Variants in MFAP3L observed in about 807,000 individuals in gnomAD.
MFAP3L encodes the protein microfibril associated protein 3 like.
MFAP3L carries 5 observed loss-of-function variants against 20.0 expected under a neutral mutation model. The observed-to-expected ratio is 0.25, with a 90% CI of 0.13 to 0.53. MFAP3L has a LOEUF of 0.53. MFAP3L is among the 20% of genes least tolerant of loss of function. The pLI is 0.96. For synonymous variants in MFAP3L, 219 were observed against 213.0 expected, an observed-to-expected ratio of 1.03 and a Z score of -0.25; for missense variants, 409 against 527.5, an observed-to-expected ratio of 0.78 and a Z score of 2.20.
At position 169,991,626 on chromosome 4, in the gene MFAP3L, C is replaced by T; in HGVS notation, c.982G>A (p.Glu328Lys). ...KVSVHPQSKK[E>K]HADDQEGGQF... ...CCACCCTCTTGGTCATCTGCATGCT[C>T]TTTTTTGGACTGCGGGTGAACTGAC... Residue 328 changes from glutamate to lysine, a missense_variant, in exon 3 of 3, where the codon GAG (glutamate) becomes AAG (lysine). Glu to Lys is a moderately conservative substitution (Grantham distance 56, BLOSUM62 1). Around this residue, in one of 3 missense-constraint regions of MFAP3L, gnomAD observed 169 missense variants for 178.2 expected, o/e 0.95. Coordinates refer to ENST00000361618, the MANE Select transcript of MFAP3L (RefSeq NM_021647.8). This position sits in a 1 kb window ranked among gnomAD's most constrained non-coding sequence, Gnocchi z 4.9. The T allele has an allele frequency of 6.2e-7, 1 of 1,614,114 alleles. No homozygotes were observed. Among genetic ancestry groups the T allele is most frequent in the Non-Finnish European group, 8.5e-7 (1 of 1,180,000 alleles).
In MFAP3L at chr4:169,992,111, A is replaced by G; in HGVS notation, c.497T>C (p.Val166Ala). The change falls in exon 3 of 3, where the codon GTC becomes GCC. Residue 166 changes from valine to alanine, a missense_variant. By Grantham distance (64) the Val-to-Ala change is moderately conservative (BLOSUM62 0). Around this residue, in one of 3 missense-constraint regions of MFAP3L, gnomAD observed 127 missense variants for 218.1 expected, o/e 0.58. Transcript: ENST00000361618. This position sits in a 1 kb window ranked among gnomAD's most constrained non-coding sequence, Gnocchi z 4.3. ...CATGCACAGGCGGGTGATATTGAGG[A>G]CCATGACGATGGTGAAGGCCACCAG... is the stretch of plus-strand genomic sequence containing the variant. Reference protein sequence around the residue: ...VCLVAFTIVMVLNITRLCMMS... With the variant: ...VCLVAFTIVMALNITRLCMMS... The G allele has an allele frequency of 6.2e-7, 1 of 1,614,130 alleles. No homozygotes were observed. The highest frequency in any genetic ancestry group is 8.5e-7 in the Non-Finnish European group (1 of 1,180,030).
intron 2 of MFAP3L, chr4:170,001,975 G>C: frequency 1.0e-6 from 1 of 985,458 alleles, no homozygotes; most frequent in South Asian, 4.7e-5. Flanking sequence ...CTTTTCAGCA[G>C]AAACGAGACA....
intron 1 of MFAP3L, among the ~76,000 whole-genome samples, chr4:170,019,574 G>A (rs926480133): frequency 3.3e-5 from 5 of 152,110 alleles, no homozygotes; most frequent in Non-Finnish European, 5.9e-5. Context: ...GTAGAGACTC[G>A]AGAACAGATG....
chr4:170,026,002 A>G (rs1730362134), intron 1 of MFAP3L, among the ~76,000 whole-genome samples: 1 of 151,952 alleles, frequency 6.6e-6, no homozygotes, highest in African/African-American at 2.4e-5. Context: ...AGGATGCGGC[A>G]GTCCCCAAAC....
chr4:170,012,127 T>C lies in MFAP3L; in HGVS notation c.-133-6117A>G, dbSNP rs552404708. ...TAGTTCTGTGTTTACAAAGATCAGC[T>C]TGATCCTCATATGGCTGCGATGTAG... On this transcript the variant is annotated intron_variant, in intron 1 of 2. Transcript: ENST00000361618. Among the ~76,000 whole-genome samples, 13 of 152,268 alleles carry C rather than the reference T, an allele frequency of 8.5e-5. No individual in the cohort carries two copies. The South Asian group carries it at 2.5e-3, about 29-fold the overall frequency.
chr4:169,993,738 C>T (rs2110922312), intron 2 of MFAP3L: 1 of 152,168 alleles, frequency 6.6e-6, no homozygotes, highest in Admixed American at 6.5e-5. Flanking sequence ...ATGACTGTGC[C>T]TTCTGAAAGA....
intron 1 of MFAP3L, among the ~76,000 whole-genome samples, chr4:170,009,537 G>A (rs1581501730): frequency 6.6e-6 from 1 of 152,122 alleles, no homozygotes; most frequent in Non-Finnish European, 1.5e-5. Flanking sequence ...AGCTTAAAAT[G>A]CAGTCCTTCA....
chr4:170,006,912 T>C (rs1017581069), intron 1 of MFAP3L: 2 of 152,250 alleles, frequency 1.3e-5, no homozygotes, highest in Non-Finnish European at 2.9e-5. Flanking sequence ...AGGTCACTCA[T>C]GTACACCCTG....
At chr4:170,015,593 T>C in intron 1 of MFAP3L, among the ~76,000 whole-genome samples, 1 of 152,132 alleles carries the variant, frequency 6.6e-6, no homozygotes, top group South Asian at 2.1e-4. Context: ...AGGGAGTAAA[T>C]GGATTCAAGC....
chr4:170,025,040 C>T (rs1461581527), intron 1 of MFAP3L, among the ~76,000 whole-genome samples: 3 of 152,196 alleles, frequency 2.0e-5, no homozygotes, highest in African/African-American at 7.2e-5. Flanking sequence ...CCCACTAGAA[C>T]AGGATTGTTT....
chr4:169,998,550 C>T (rs1287055668), intron 2 of MFAP3L, among the ~76,000 whole-genome samples: 1 of 152,070 alleles, frequency 6.6e-6, no homozygotes, highest in Non-Finnish European at 1.5e-5. Flanking sequence ...ACCTTAGGAT[C>T]ACTGAGCGTT....
At position 170,009,382 on chromosome 4, in the gene MFAP3L, C is replaced by CAA. The variant is rs1443046929; in HGVS notation, c.-133-3374_-133-3373dup. 3.7e-3 allele frequency among the ~76,000 whole-genome samples: 222 copies of CAA among 60,662 alleles called. 4 individuals are homozygous for CAA. The highest frequency in any genetic ancestry group is 8.4e-3 in the African/African-American group (178 of 21,232). The allele number at this position is 60,662 out of a possible 152,430, so 39.8% of individuals were successfully genotyped here. A position where few individuals can be genotyped will look rare whatever the true frequency, so the allele number is the denominator to read the frequency against. On this transcript the variant is annotated intron_variant, in intron 1 of 2. Transcript: ENST00000361618. ...TGGGCGACAGAGCAAGACGCTGTCT[C>CAA]AAAAAAAAAAAAAAAAAAAAGTTTA... is the stretch of plus-strand genomic sequence containing the variant.
At chr4:170,024,896 A>G (rs1740255950) in intron 1 of MFAP3L, among the ~76,000 whole-genome samples, 1 of 152,226 alleles carries the variant, frequency 6.6e-6, no homozygotes, top group African/African-American at 2.4e-5. Flanking sequence ...ATGCATTTCT[A>G]AAGTCTATTA....
chr4:170,002,233 G>A (rs930309452), intron 2 of MFAP3L: 1 of 985,222 alleles, frequency 1.0e-6, no homozygotes, highest in African/African-American at 1.7e-5. Flanking sequence ...GGACCTAAAG[G>A]ATGATGTGGT....
At chr4:170,010,076 GTTATAC>G (rs1739281975) in intron 1 of MFAP3L, among the ~76,000 whole-genome samples, 1 of 152,106 alleles carries the variant, frequency 6.6e-6, no homozygotes, top group African/African-American at 2.4e-5. Context: ...TCTTCACAGG[GTTATAC>G]TCATGAAGCA....
chr4:170,009,314 C>A (rs912721174), intron 1 of MFAP3L, among the ~76,000 whole-genome samples: 1 of 145,068 alleles, frequency 6.9e-6, no homozygotes, highest in Non-Finnish European at 1.5e-5. Flanking sequence ...ACCCAGGAGG[C>A]GGAGGTTACA....
At chr4:170,013,449 T>C (rs1739506551) in intron 1 of MFAP3L, among the ~76,000 whole-genome samples, 1 of 152,212 alleles carries the variant, frequency 6.6e-6, no homozygotes, top group Non-Finnish European at 1.5e-5. Context: ...TAAAAACAGG[T>C]CTACACATCT....
rs981844004 is a variant in MFAP3L at position 169,992,585 on chromosome 4, G to A, written c.299-276C>T. ...GTTAGACAACACTCCCAAGGGCACC[G>A]GCTTGGAAGCCGTAGAACTGAAGAT... On this transcript the variant is annotated intron_variant, in intron 2 of 2. Transcript: ENST00000361618. This position sits in a 1 kb window ranked among gnomAD's most constrained non-coding sequence, Gnocchi z 4.3. Among the ~76,000 whole-genome samples, 4 of 152,184 alleles carry A rather than the reference G, an allele frequency of 2.6e-5. No homozygotes were observed. Among genetic ancestry groups the A allele is most frequent in the East Asian group, 1.9e-4 (1 of 5,194 alleles).
intron 2 of MFAP3L, among the ~76,000 whole-genome samples, chr4:169,998,456 T>G (rs1258733291): frequency 6.6e-6 from 1 of 152,206 alleles, no homozygotes; most frequent in Non-Finnish European, 1.5e-5. Context: ...ACAGGGAAAG[T>G]GAGAGCACAA....
Sources: allele counts gnomAD v4.1 joint callset (sites outside exome capture counted in the v4.1 genomes callset), GRCh38; gene constraint gnomAD v4.1.1; regional missense constraint gnomAD v4.1.1; non-coding constraint Gnocchi (gnomAD v3.1); transcripts MANE v1.5; gene names NCBI Gene and HGNC (gene_info 2026-07-23, HGNC 2026-07-21).